ADGRB1: variants seen among roughly 807,000 people sequenced by gnomAD.
ADGRB1 encodes brain-specific angiogenesis inhibitor 1.
ADGRB1 carries 36 observed loss-of-function variants against 175.7 expected under a neutral mutation model. The observed-to-expected ratio is 0.20, with a 90% CI of 0.16 to 0.27. The LOEUF is 0.27. Ranked by LOEUF, ADGRB1 falls within the 10% of genes least tolerant of loss-of-function variation. The pLI, the probability that ADGRB1 is intolerant of heterozygous loss-of-function variation, is 1.00. For missense variants in ADGRB1, 1,731 were observed against 2,255.3 expected (o/e 0.77, Z 4.71); for synonymous variants, 1,054 against 979.4 (o/e 1.08, Z -1.42).
At chr8:142,476,120 C>T (rs762693034) in intron 3 of ADGRB1, among the ~76,000 whole-genome samples, 2 of 152,270 alleles carry the variant, frequency 1.3e-5, no homozygotes, top group African/African-American at 2.4e-5. Flanking sequence ...ATAAGGCTCT[C>T]TAATGACCCC....
At chr8:142,539,303 G>A (rs528181264) in intron 26 of ADGRB1, 71 bp from the exon 27 acceptor site, 17 of 1,492,244 alleles carry the variant, frequency 1.1e-5, no homozygotes, top group East Asian at 5.0e-5. Flanking sequence ...CCTCCCGAGC[G>A]GTCTGTGCAC....
At chr8:142,524,382 C>CATGCCCCAT (rs2132149552) in intron 23 of ADGRB1, 78 bp downstream of exon 23, 1 of 1,422,552 alleles carries the variant, frequency 7.0e-7, no homozygotes, top group East Asian at 2.5e-5. Context: ...GGTGCTGTCT[C>CATGCCCCAT]ATGCCCCAGG....
At chr8:142,541,366 A>G (rs1251278879) in intron 27 of ADGRB1, among the ~76,000 whole-genome samples, 1 of 151,674 alleles carries the variant, frequency 6.6e-6, no homozygotes, top group African/African-American at 2.4e-5. Context: ...GGGTATGGAG[A>G]CCTCTCTCCA....
rs183890216 is a variant in ADGRB1, at chr8:142,479,282, C to A, written c.1562-41C>A. On this transcript the variant is annotated intron_variant, in intron 7 of 30. Transcript: ENST00000517894. ...GTCACTGTGGCTCCTGGACCCTGCC[C>A]TTCTTGTCGCCTGTGCCCTGTGTCT... 4.8e-6 allele frequency: 7 copies of A among 1,450,574 alleles called. No homozygotes were observed. In the Admixed American group the frequency reaches 1.6e-4, roughly 33 times the overall value. The allele number at this position is 1,450,574 out of a possible 1,614,324, so 89.9% of individuals were successfully genotyped here.
Position 142,504,983 on chromosome 8 carries a change from A to G in ADGRB1, c.2676-5949A>G, listed in dbSNP as rs535806479. Among the ~76,000 whole-genome samples, 1 of 148,972 alleles carries G rather than the reference A, an allele frequency of 6.7e-6. No homozygotes were observed. On this transcript the variant is annotated intron_variant, in intron 17 of 30. Coordinates refer to ENST00000517894, the MANE Select transcript of ADGRB1 (RefSeq NM_001702.3). The surrounding 1 kb of genome is among the most constrained non-coding windows in gnomAD (Gnocchi z 5.6). Reference sequence around the variant, plus strand: ...CCATCAAATCCAAGGGGACCCCGACAGCGCACAGTCCCATAATAGCACCTG... The same window carrying G: ...CCATCAAATCCAAGGGGACCCCGACGGCGCACAGTCCCATAATAGCACCTG...
rs1330050574 is a variant in ADGRB1, at chr8:142,481,788, A to G, written c.2130+77A>G. ...GAGCCCTCCTCGACCTTAGAGATGG[A>G]TCCCCAACCCTGGCCACAGCCCAGG... On this transcript the variant is annotated intron_variant, in intron 11 of 30. Coordinates refer to ENST00000517894, the MANE Select transcript of ADGRB1 (RefSeq NM_001702.3). The G allele has an allele frequency of 6.1e-6, 8 of 1,314,518 alleles. No homozygotes were observed. The African/African-American group carries it at 1.2e-4, about 20-fold the overall frequency. 81.4% of individuals were successfully genotyped at this position (1,314,518 alleles called of 1,614,324 possible).
Position 142,492,792 on chromosome 8 carries a change from G to C in ADGRB1, c.2675+1977G>C, listed in dbSNP as rs185653869. 1.8e-3 allele frequency among the ~76,000 whole-genome samples: 277 copies of C among 152,272 alleles called. 3 individuals are homozygous for C. The highest frequency in any genetic ancestry group is 6.4e-3 in the African/African-American group (266 of 41,548). Reference sequence around the variant, plus strand: ...AAAGCCCCCCTGCTTGCATGACCCAGGCCCACCCCTGGGCTTTGCATTTTC... The same window carrying C: ...AAAGCCCCCCTGCTTGCATGACCCACGCCCACCCCTGGGCTTTGCATTTTC... On this transcript the variant is annotated intron_variant, in intron 17 of 30. Coordinates refer to ENST00000517894, the MANE Select transcript of ADGRB1 (RefSeq NM_001702.3). The surrounding 1 kb of genome is among the most constrained non-coding windows in gnomAD (Gnocchi z 4.4).
Position 142,463,828 on chromosome 8 carries a change from G to A in ADGRB1, c.-219-152G>A, listed in dbSNP as rs1020159664. The stretch of plus-strand genomic sequence containing the variant: ...AGACAGGTGGACGGAGCAGGTGCCT[G>A]GGAGGGTGCCAGGGCCTGTGTCTGC... On this transcript the variant is annotated intron_variant, in intron 1 of 30. Coordinates refer to ENST00000517894, the MANE Select transcript of ADGRB1 (RefSeq NM_001702.3). 2.6e-5 allele frequency among the ~76,000 whole-genome samples: 4 copies of A among 152,232 alleles called. No homozygotes were observed. The East Asian group carries it at 7.7e-4, about 29-fold the overall frequency.
chr8:142,464,475 T>C lies in ADGRB1; in HGVS notation c.277T>C (p.Cys93Arg). Reference protein sequence around the residue: ...YMKVAKAPVPCSGPGRVRTYQ... With the variant: ...YMKVAKAPVPRSGPGRVRTYQ... ...GAAGGTGGCCAAGGCGCCCGTGCCCTGCAGCGGCCCCGGCCGCGTGCGCAC... is the reference window on the plus strand; with the variant it reads ...GAAGGTGGCCAAGGCGCCCGTGCCCCGCAGCGGCCCCGGCCGCGTGCGCAC... The change falls in exon 2 of 31, where the codon TGC becomes CGC. Residue 93 changes from cysteine to arginine, a missense_variant. Cys to Arg is a radical substitution (Grantham distance 180). Around this residue, in one of 8 missense-constraint regions of ADGRB1, gnomAD observed 383 missense variants for 383.1 expected, o/e 1.00. Coordinates refer to ENST00000517894, the MANE Select transcript of ADGRB1 (RefSeq NM_001702.3). The C allele has an allele frequency of 6.3e-7, 1 of 1,582,624 alleles. No homozygotes were observed. The highest frequency in any genetic ancestry group is 1.8e-5 in the Admixed American group (1 of 57,072).
In ADGRB1 at chr8:142,510,819, C is replaced by T; in HGVS notation, c.2676-113C>T. 2.3e-6 allele frequency: 1 copy of T among 439,670 alleles called. No individual in the cohort carries two copies. The highest frequency in any genetic ancestry group is 3.0e-6 in the Non-Finnish European group (1 of 335,186). 27.2% of individuals were successfully genotyped at this position (439,670 alleles called of 1,614,324 possible). The stretch of plus-strand genomic sequence containing the variant: ...GGCTGCGGGCGCAGGTGCGGGGCGG[C>T]GGGCCGGGGCCGGGGCCGGGGCGCG... On this transcript the variant is annotated intron_variant, in intron 17 of 30. Coordinates refer to ENST00000517894, the MANE Select transcript of ADGRB1 (RefSeq NM_001702.3). This position sits in a 1 kb window ranked among gnomAD's most constrained non-coding sequence, Gnocchi z 6.3.
intron 19 of ADGRB1, among the ~76,000 whole-genome samples, chr8:142,518,615 T>C (rs1044653941): frequency 2.6e-5 from 4 of 152,072 alleles, no homozygotes; most frequent in African/African-American, 9.7e-5. Context: ...CCCTGCTCAC[T>C]CTCCACCCCA....
At chr8:142,472,225 C>A (rs1170965655) in intron 2 of ADGRB1, among the ~76,000 whole-genome samples, 1 of 152,194 alleles carries the variant, frequency 6.6e-6, no homozygotes, top group East Asian at 1.9e-4. Flanking sequence ...CTGTGGGGAG[C>A]TCACAGCCTC....
In ADGRB1 at chr8:142,504,386, T is replaced by A. The variant is rs1842759357; in HGVS notation, c.2676-6546T>A. On this transcript the variant is annotated intron_variant, in intron 17 of 30. Coordinates refer to ENST00000517894, the MANE Select transcript of ADGRB1 (RefSeq NM_001702.3). This position sits in a 1 kb window ranked among gnomAD's most constrained non-coding sequence, Gnocchi z 5.6. ...GAGGGCGTGTGTTTGCTGGGTTACCTGCTGGGCTGGCCTGTGCAGGCAGGG... is the reference window on the plus strand; with the variant it reads ...GAGGGCGTGTGTTTGCTGGGTTACCAGCTGGGCTGGCCTGTGCAGGCAGGG... 6.6e-6 allele frequency among the ~76,000 whole-genome samples: 1 copy of A among 152,146 alleles called. No individual in the cohort carries two copies. The highest frequency in any genetic ancestry group is 1.5e-5 in the Non-Finnish European group (1 of 68,008).
At chr8:142,460,636 G>C (rs893577692) in intron 1 of ADGRB1, among the ~76,000 whole-genome samples, 2 of 152,158 alleles carry the variant, frequency 1.3e-5, no homozygotes, top group African/African-American at 4.8e-5. Context: ...GCCATCTCCT[G>C]GCCCCAAGAC....
intron 2 of ADGRB1, among the ~76,000 whole-genome samples, chr8:142,465,771 G>A (rs759841085): frequency 2.0e-5 from 3 of 152,202 alleles, no homozygotes; most frequent in African/African-American, 4.8e-5. Flanking sequence ...CTGCGAGGAC[G>A]AGGGACCTTG....
In ADGRB1 at chr8:142,492,650, A is replaced by G. The variant is rs1587335383; in HGVS notation, c.2675+1835A>G. 6.6e-6 allele frequency among the ~76,000 whole-genome samples: 1 copy of G among 152,276 alleles called. No homozygotes were observed. Among genetic ancestry groups the G allele is most frequent in the East Asian group, 1.9e-4 (1 of 5,168 alleles). On this transcript the variant is annotated intron_variant, in intron 17 of 30. Coordinates refer to ENST00000517894, the MANE Select transcript of ADGRB1 (RefSeq NM_001702.3). This position sits in a 1 kb window ranked among gnomAD's most constrained non-coding sequence, Gnocchi z 4.4. Reference sequence around the variant, plus strand: ...TGCACCCCACATGGTGGACTCTGCTATGTTTCCTGCCCTGGGTCTGGGGTT... The same window carrying G: ...TGCACCCCACATGGTGGACTCTGCTGTGTTTCCTGCCCTGGGTCTGGGGTT...
At chr8:142,539,614 T>G (rs1845145980) in intron 27 of ADGRB1, 2 of 637,228 alleles carry the variant, frequency 3.1e-6, no homozygotes, top group African/African-American at 3.8e-5. Flanking sequence ...GTCCACTTCC[T>G]GAGGCCGAAG....
chr8:142,502,305 G>T (rs1218604555), intron 17 of ADGRB1, among the ~76,000 whole-genome samples: 1 of 148,604 alleles, frequency 6.7e-6, no homozygotes, highest in African/African-American at 2.5e-5. Flanking sequence ...TTATGACAGT[G>T]GTGATGGTGA....
At position 142,524,261 on chromosome 8, in the gene ADGRB1, G is replaced by C; in HGVS notation, c.3269G>C (p.Gly1090Ala). 1 of 1,600,602 alleles carries C rather than the reference G, an allele frequency of 6.2e-7. No individual in the cohort carries two copies. The highest frequency in any genetic ancestry group is 8.5e-7 in the Non-Finnish European group (1 of 1,179,050). Reference sequence around the variant, plus strand: ...AGCTGCTGGCTCTCCCTGGAGGGGGGACTGCTCTATGCCTTCGTGGGACCT... The same window carrying C: ...AGCTGCTGGCTCTCCCTGGAGGGGGCACTGCTCTATGCCTTCGTGGGACCT... ...MNYCWLSLEG[G>A]LLYAFVGPAA... The change falls in exon 23 of 31, where the codon GGA becomes GCA. Residue 1090 changes from glycine to alanine, a missense_variant. Coordinates refer to ENST00000517894, the MANE Select transcript of ADGRB1 (RefSeq NM_001702.3).
Sources: gnomAD v4.1 joint callset for allele counts (sites outside exome capture counted in the v4.1 genomes callset) on GRCh38, gnomAD v4.1.1 for gene constraint, gnomAD v4.1.1 regional missense constraint, Gnocchi (gnomAD v3.1) non-coding constraint, MANE v1.5 for transcripts, NCBI Gene and HGNC (gene_info 2026-07-23, HGNC 2026-07-21) for gene names.